The following PRMT5 variants were observed in gnomAD, a reference collection of about 807,000 sequenced individuals.
The protein encoded by PRMT5 is protein arginine N-methyltransferase 5.
PRMT5 carries 15 observed loss-of-function variants against 84.0 expected under a neutral mutation model. That is an observed-to-expected ratio of 0.18 (90% confidence interval 0.12 to 0.28). PRMT5 has a LOEUF of 0.28. PRMT5 is among the 10% of genes least tolerant of loss of function. The pLI is 1.00. For missense variants in PRMT5, 486 were observed against 808.0 expected (o/e 0.60, Z 4.83); for synonymous variants, 276 against 292.4 (o/e 0.94, Z 0.57).
intron 7 of PRMT5, 89 bp from the exon 8 acceptor site, chr14:22,925,129 T>A: frequency 6.7e-6 from 9 of 1,338,644 alleles, no homozygotes; most frequent in Non-Finnish European, 2.0e-6. Flanking sequence ...TAGTGTAAAA[T>A]AAGGCCCAGA....
intron 4 of PRMT5, among the ~76,000 whole-genome samples, 170 bp downstream of exon 4, chr14:22,927,356 A>G (rs901904520): frequency 1.7e-4 from 26 of 151,796 alleles, no homozygotes; most frequent in African/African-American, 5.8e-4. Flanking sequence ...TGATCTGCCC[A>G]CCTCAGCCTC....
rs1032190772 is a variant in PRMT5 at position 22,927,467 on chromosome 14, G to A, written c.450+59C>T. 18 of 1,601,490 alleles carry A rather than the reference G, an allele frequency of 1.1e-5. No individual in the cohort carries two copies. The South Asian group carries it at 1.3e-4, about 12-fold the overall frequency. On this transcript the variant is annotated intron_variant, in intron 4 of 16. Coordinates refer to ENST00000324366, the MANE Select transcript of PRMT5 (RefSeq NM_006109.5). The stretch of plus-strand genomic sequence containing the variant: ...TCACTGAATGGCTAGGCACAAGAAG[G>A]TACTTAGCACAATCTGACTACTATG...
Position 22,920,782 on chromosome 14 carries a change from G to T in PRMT5, c.*122C>A, listed in dbSNP as rs905372266. The T allele has an allele frequency of 1.1e-5, 16 of 1,396,290 alleles. No homozygotes were observed. The highest frequency in any genetic ancestry group is 2.3e-5 in the South Asian group (2 of 85,850). 86.5% of individuals were successfully genotyped at this position (1,396,290 alleles called of 1,614,324 possible). On this transcript the variant is annotated 3_prime_UTR_variant, in exon 17 of 17. Coordinates refer to ENST00000324366, the MANE Select transcript of PRMT5 (RefSeq NM_006109.5). ...CACCTTGATGTAAGGCAGGAAAGCA[G>T]ATTGAAATGCTCCTCTCTGATGGGC... is the stretch of plus-strand genomic sequence containing the variant.
chr14:22,928,380 T>C lies in PRMT5; in HGVS notation c.229+117A>G. 8.7e-7 allele frequency: 1 copy of C among 1,146,346 alleles called. No individual in the cohort carries two copies. The highest frequency in any genetic ancestry group is 1.8e-5 in the Admixed American group (1 of 54,388). 71.0% of individuals were successfully genotyped at this position (1,146,346 alleles called of 1,614,324 possible). A position where few individuals can be genotyped will look rare whatever the true frequency, so the allele number is the denominator to read the frequency against. On this transcript the variant is annotated intron_variant, in intron 2 of 16. Transcript: ENST00000324366. This position sits in a 1 kb window ranked among gnomAD's most constrained non-coding sequence, Gnocchi z 4.8. ...AGAAGCAAGGAGAAAACAAGTTATC[T>C]ATATCCCAGGGACTAACAAATATAT...
chr14:22,926,868 G>A, intron 4 of PRMT5, 54 bp from the exon 5 acceptor site: 3 of 1,301,176 alleles, frequency 2.3e-6, no homozygotes, highest in Non-Finnish European at 3.3e-6. Context: ...ATTGGGTCCA[G>A]AAAGTTTCCC....
In PRMT5 at chr14:22,926,217, G is replaced by A; in HGVS notation, c.693C>T (p.Leu231=). ...WLGEPIKAAI[L]PTSIFLTNKK... is the part of the protein sequence containing the mutation. The stretch of plus-strand genomic sequence containing the variant: ...TATTGGTCAGGAAAATGCTAGTGGG[G>A]AGAATGGCTGCTTTGATGGGCTCCC... The change falls in exon 7 of 17, where the codon CTC becomes CTT. Residue 231 remains leucine (L), a synonymous_variant. Coordinates refer to ENST00000324366, the MANE Select transcript of PRMT5 (RefSeq NM_006109.5). The A allele has an allele frequency of 6.2e-7, 1 of 1,613,604 alleles. No homozygotes were observed. The highest frequency in any genetic ancestry group is 2.2e-5 in the East Asian group (1 of 44,880).
rs1399935377 is a variant in PRMT5 at position 22,924,554 on chromosome 14, A to G, written c.1018-17T>C. 1.2e-6 allele frequency: 2 copies of G among 1,613,738 alleles called. No homozygotes were observed. Among genetic ancestry groups the G allele is most frequent in the Middle Eastern group, 1.6e-4 (1 of 6,062 alleles). Reference sequence around the variant, plus strand: ...ATAGATGGCCTGGAGGGAGGAGAGAATATCCCATGGTTGTAATCCCATCCT... The same window carrying G: ...ATAGATGGCCTGGAGGGAGGAGAGAGTATCCCATGGTTGTAATCCCATCCT... On this transcript the variant is annotated splice_polypyrimidine_tract_variant and intron_variant, in intron 9 of 16. Transcript: ENST00000324366. This position sits in a 1 kb window ranked among gnomAD's most constrained non-coding sequence, Gnocchi z 6.5.
chr14:22,928,689 T>A lies in PRMT5; in HGVS notation c.111-74A>T. The A allele has an allele frequency of 8.1e-7, 1 of 1,238,942 alleles. No homozygotes were observed. The allele number at this position is 1,238,942 out of a possible 1,614,324, so 76.7% of individuals were successfully genotyped here. On this transcript the variant is annotated intron_variant, in intron 1 of 16. Coordinates refer to ENST00000324366, the MANE Select transcript of PRMT5 (RefSeq NM_006109.5). The surrounding 1 kb of genome is among the most constrained non-coding windows in gnomAD (Gnocchi z 4.8). ...GAGAGCCAAGCAACTGGATTTAGGC[T>A]ATCTTGATTTTGCACAGCCCTTTCA...
At chr14:22,927,989 G>A in intron 3 of PRMT5, 137 bp downstream of exon 3, 1 of 791,790 alleles carries the variant, frequency 1.3e-6, no homozygotes. Flanking sequence ...GATTATAGGT[G>A]TGCACCACAG....
Position 22,920,993 on chromosome 14 carries a change from T to G in PRMT5, c.1825A>C (p.Lys609Gln). The stretch of plus-strand genomic sequence containing the variant: ...ACAGCCCACTCATACCACACCTTCT[T>G]GGAATTGCTGCATCGCCAGAAACGC... The part of the protein sequence containing the change: ...CVRFWRCSNS[K>Q]KVWYEWAVTA... The change falls in exon 17 of 17, where the codon AAG (lysine) becomes CAG (glutamine). Residue 609 changes from lysine (K) to glutamine (Q), a missense_variant. Transcript: ENST00000324366. The G allele has an allele frequency of 6.2e-7, 1 of 1,614,188 alleles. No homozygotes were observed. Among genetic ancestry groups the G allele is most frequent in the Non-Finnish European group, 8.5e-7 (1 of 1,180,038 alleles).
intron 7 of PRMT5, 41 bp downstream of exon 7, chr14:22,926,092 A>T (rs1314900731): frequency 6.5e-7 from 1 of 1,543,800 alleles, no homozygotes; most frequent in Non-Finnish European, 8.9e-7. Flanking sequence ...ATAAGGCAAG[A>T]TGTATAGCTG....
chr14:22,922,944 T>C, intron 13 of PRMT5, 107 bp downstream of exon 13: 6 of 1,401,996 alleles, frequency 4.3e-6, no homozygotes, highest in Non-Finnish European at 4.9e-6. Context: ...AATCCCTAAC[T>C]TCTCCTTCAC....
At chr14:22,927,426 C>G (rs1225721405) in intron 4 of PRMT5, 100 bp downstream of exon 4, 1 of 1,511,944 alleles carries the variant, frequency 6.6e-7, no homozygotes, top group African/African-American at 1.4e-5. Context: ...TACTTCAATT[C>G]TGCCAAACAC....
At chr14:22,927,421 C>T in intron 4 of PRMT5, 105 bp downstream of exon 4, 2 of 1,495,190 alleles carry the variant, frequency 1.3e-6, no homozygotes, top group Non-Finnish European at 1.8e-6. Context: ...ACTGATACTT[C>T]AATTCTGCCA....
chr14:22,925,345 C>T (rs1188942575), intron 7 of PRMT5, among the ~76,000 whole-genome samples: 2 of 151,610 alleles, frequency 1.3e-5, no homozygotes, highest in South Asian at 2.1e-4. Flanking sequence ...TTAGTAGAGA[C>T]GGGGTTTCAC....
Position 22,923,213 on chromosome 14 carries a change from G to A in PRMT5, c.1376-53C>T. On this transcript the variant is annotated intron_variant, in intron 12 of 16. Coordinates refer to ENST00000324366, the MANE Select transcript of PRMT5 (RefSeq NM_006109.5). This position sits in a 1 kb window ranked among gnomAD's most constrained non-coding sequence, Gnocchi z 5.2. ...CCAGAGGGAGGGAAATGGTATGTCT[G>A]TACTAACTGAAGGATCAGAAGGATC... 1.7e-5 allele frequency: 23 copies of A among 1,348,732 alleles called. No individual in the cohort carries two copies. Among genetic ancestry groups the A allele is most frequent in the Non-Finnish European group, 1.9e-5 (18 of 971,722 alleles). The allele number at this position is 1,348,732 out of a possible 1,614,324, so 83.5% of individuals were successfully genotyped here.
chr14:22,927,798 T>A, intron 3 of PRMT5, 138 bp from the exon 4 acceptor site: 2 of 1,096,722 alleles, frequency 1.8e-6, no homozygotes, highest in Non-Finnish European at 1.3e-6. Context: ...GCCTTGACCT[T>A]CCCAAGCTCA....
chr14:22,923,918 C>CCGTATCATTAAAAAA lies in PRMT5; in HGVS notation c.1375+89_1375+90insTTTTTTAATGATACG. ...AAACTCATATGATGTGACCCAGGTCCAACCCACTTTCCCCTAAACCCTGTA... is the reference window on the plus strand; with the variant it reads ...AAACTCATATGATGTGACCCAGGTCCCGTATCATTAAAAAAAACCCACTTTCCCCTAAACCCTGTA... On this transcript the variant is annotated intron_variant, in intron 12 of 16. Transcript: ENST00000324366. This position sits in a 1 kb window ranked among gnomAD's most constrained non-coding sequence, Gnocchi z 5.2. The CCGTATCATTAAAAAA allele has an allele frequency of 2.1e-6, 3 of 1,438,204 alleles. No individual in the cohort carries two copies. The highest frequency in any genetic ancestry group is 2.4e-5 in the Admixed American group (1 of 42,454). 89.1% of individuals were successfully genotyped at this position (1,438,204 alleles called of 1,614,324 possible).
Position 22,928,322 on chromosome 14 carries a change from T to C in PRMT5, c.230-111A>G. The stretch of plus-strand genomic sequence containing the variant: ...AGAAATGAGAGACAAAGGTTTTTTC[T>C]ACATAGACATGGGATAGCCTGATGC... On this transcript the variant is annotated intron_variant, in intron 2 of 16. Coordinates refer to ENST00000324366, the MANE Select transcript of PRMT5 (RefSeq NM_006109.5). This position sits in a 1 kb window ranked among gnomAD's most constrained non-coding sequence, Gnocchi z 4.8. 2 of 1,284,426 alleles carry C rather than the reference T, an allele frequency of 1.6e-6. No homozygotes were observed. Among genetic ancestry groups the C allele is most frequent in the Non-Finnish European group, 2.2e-6 (2 of 892,954 alleles). The allele number at this position is 1,284,426 out of a possible 1,614,324, so 79.6% of individuals were successfully genotyped here.
Sources: gnomAD v4.1 joint callset for allele counts (sites outside exome capture counted in the v4.1 genomes callset) on GRCh38, gnomAD v4.1.1 for gene constraint, Gnocchi (gnomAD v3.1) non-coding constraint, MANE v1.5 for transcripts, NCBI Gene and HGNC (gene_info 2026-07-23, HGNC 2026-07-21) for gene names.